DMD: variants seen among roughly 807,000 people sequenced by gnomAD.
DMD encodes mutant dystrophin.
In DMD, 63 loss-of-function variants were observed where a neutral mutation model predicts 330.1. That is an observed-to-expected ratio of 0.19 (90% CI 0.16 to 0.24). The LOEUF is 0.24. Among genes scored for constraint, DMD ranks in the 10% least tolerant of loss-of-function variants. The pLI, the probability that DMD is intolerant of heterozygous loss-of-function variation, is 1.00. For synonymous variants in DMD, 1,223 were observed against 959.8 expected (o/e 1.27, Z -5.07); for missense variants, 3,344 against 2,684.1 (o/e 1.25, Z -5.43).
At chrX:33,126,106 A>G (rs781069343) in intron 1 of DMD, among the ~76,000 whole-genome samples, 74 of 111,500 alleles carry the variant, frequency 6.6e-4, no homozygotes, top group South Asian at 1.8e-3. Context: ...ACTTTTGTCA[A>G]CAGTAATTTT....
At chrX:33,000,804 C>A (rs6628758) in intron 2 of DMD, among the ~76,000 whole-genome samples, 2 of 110,715 alleles carry the variant, frequency 1.8e-5, no homozygotes, top group Non-Finnish European at 3.8e-5. Context: ...CCTGTTTCTT[C>A]TCAGTTTTTA....
chrX:31,810,056 T>C (rs1480836687), intron 50 of DMD, among the ~76,000 whole-genome samples: 3 of 107,410 alleles, frequency 2.8e-5, no homozygotes, highest in Non-Finnish European at 3.9e-5. Flanking sequence ...ATATGTTCAC[T>C]TGACCAAAAA....
At chrX:31,283,881 A>G (rs1175180412) in intron 62 of DMD, among the ~76,000 whole-genome samples, 2 of 111,998 alleles carry the variant, frequency 1.8e-5, no homozygotes, top group Non-Finnish European at 3.8e-5. Context: ...TGGATGCATT[A>G]CTAGCAATAC....
rs139484424 is a variant in DMD, at chrX:32,716,647, C to G, written c.650-17354G>C. Among the ~76,000 whole-genome samples the G allele has an allele frequency of 1.1e-4, 12 of 110,799 alleles. No individual in the cohort carries two copies. The East Asian group carries it at 3.4e-3, about 32-fold the overall frequency. On this transcript the variant is annotated intron_variant, in intron 7 of 78. Transcript: ENST00000357033. ...ACAGAGTAAGAAGCACACGTTGGAA[C>G]AGTGTGGAGCGCTCAGAAGACAGGA... is the stretch of plus-strand genomic sequence containing the variant.
chrX:32,516,336 A>G (rs753036034), intron 18 of DMD, among the ~76,000 whole-genome samples: 2 of 111,841 alleles, frequency 1.8e-5, no homozygotes, highest in South Asian at 7.4e-4. Context: ...ATTAAGAATG[A>G]TGTTGTTATT....
chrX:31,219,879 CATA>C (rs1386415200), intron 64 of DMD, among the ~76,000 whole-genome samples: 1 of 90,679 alleles, frequency 1.1e-5, no homozygotes. Context: ...TATTGTGCCA[CATA>C]ATGACATTTC....
intron 2 of DMD, among the ~76,000 whole-genome samples, chrX:32,851,575 C>G (rs1438434276): frequency 1.8e-5 from 2 of 112,316 alleles, no homozygotes; most frequent in Non-Finnish European, 3.8e-5. Flanking sequence ...CAAGCAAGCA[C>G]CTACATAAAA....
chrX:32,354,747 A>T (rs1223126069), intron 37 of DMD, among the ~76,000 whole-genome samples: 1 of 111,481 alleles, frequency 9.0e-6, no homozygotes, highest in Non-Finnish European at 1.9e-5. Context: ...CTAATTTGTG[A>T]GGCTAATTAG....
intron 60 of DMD, among the ~76,000 whole-genome samples, chrX:31,352,688 G>C (rs971101630): frequency 1.8e-5 from 2 of 112,095 alleles, no homozygotes; most frequent in Non-Finnish European, 3.8e-5. Context: ...GTATGACAGC[G>C]AGAAGAATTA....
In DMD at chrX:31,799,081, T is replaced by C. The variant is rs1217727947; in HGVS notation, c.7309+20894A>G. Among the ~76,000 whole-genome samples, 3 of 112,131 alleles carry C rather than the reference T, an allele frequency of 2.7e-5. No individual in the cohort carries two copies. In the Admixed American group the frequency reaches 2.8e-4, roughly 11 times the overall value. ...TCTGATCCCCAGCTCAAGGGTTCCT[T>C]CTCTGTACTGAGTCTTGCTCGTAAT... On this transcript the variant is annotated intron_variant, in intron 50 of 78. Transcript: ENST00000357033.
At chrX:33,009,402 A>ATG (rs1197440222) in intron 2 of DMD, among the ~76,000 whole-genome samples, 3 of 90,431 alleles carry the variant, frequency 3.3e-5, no homozygotes, top group Non-Finnish European at 6.6e-5. Context: ...ATGTGTGTAT[A>ATG]TGTGTATATA....
intron 62 of DMD, among the ~76,000 whole-genome samples, chrX:31,306,813 C>T (rs909725541): frequency 9.0e-6 from 1 of 111,520 alleles, no homozygotes; most frequent in Non-Finnish European, 1.9e-5. Flanking sequence ...AAGGTGTTCA[C>T]GATGGAACTA....
At chrX:31,447,252 A>T (rs1602966340) in intron 59 of DMD, among the ~76,000 whole-genome samples, 1 of 90,465 alleles carries the variant, frequency 1.1e-5, no homozygotes, top group African/African-American at 4.1e-5. Context: ...TTACCATAAG[A>T]TCTTGGGATT....
chrX:32,810,878 T>C (rs1021088053), intron 6 of DMD, among the ~76,000 whole-genome samples: 4 of 111,733 alleles, frequency 3.6e-5, no homozygotes, highest in African/African-American at 1.3e-4. Context: ...TTATTTCTTG[T>C]CTCTTTCCTC....
intron 59 of DMD, among the ~76,000 whole-genome samples, chrX:31,470,381 G>A (rs970698769): frequency 8.9e-6 from 1 of 111,744 alleles, no homozygotes; most frequent in African/African-American, 3.2e-5. Context: ...TTTTGTTGAT[G>A]TTGATGCTAG....
At chrX:32,546,666 A>G (rs1341023219) in intron 16 of DMD, among the ~76,000 whole-genome samples, 1 of 111,642 alleles carries the variant, frequency 9.0e-6, no homozygotes, top group African/African-American at 3.2e-5. Context: ...AAGGATTTCC[A>G]TTTTGGTAGG....
intron 55 of DMD, among the ~76,000 whole-genome samples, chrX:31,572,500 A>C (rs1410541155): frequency 2.7e-5 from 3 of 112,248 alleles, no homozygotes; most frequent in African/African-American, 9.7e-5. Flanking sequence ...GACACAAAAT[A>C]ATTTTTCTTG....
At chrX:31,276,232 T>TA (rs748623880) in intron 62 of DMD, among the ~76,000 whole-genome samples, 1 of 111,272 alleles carries the variant, frequency 9.0e-6, no homozygotes, top group East Asian at 2.8e-4. Context: ...AATTTTTTTG[T>TA]ATTTTTGGTA....
At chrX:32,402,073 T>G (rs2098089070) in intron 30 of DMD, among the ~76,000 whole-genome samples, 1 of 111,741 alleles carries the variant, frequency 8.9e-6, no homozygotes, top group African/African-American at 3.2e-5. Context: ...GCTTTAGCAT[T>G]AAAATTCATT....
Sources: gnomAD v4.1 joint callset for allele counts (sites outside exome capture counted in the v4.1 genomes callset) on GRCh38, gnomAD v4.1.1 for gene constraint, MANE v1.5 for transcripts, NCBI Gene and HGNC (gene_info 2026-07-23, HGNC 2026-07-21) for gene names.